Variants in ADGRL3 observed in about 807,000 individuals in gnomAD.
ADGRL3 encodes adhesion G protein-coupled receptor L3, also known as calcium-independent alpha-latrotoxin receptor 3.
ADGRL3 carries 62 observed loss-of-function variants against 153.5 expected under a neutral mutation model. The observed-to-expected ratio is 0.40, with a 90% confidence interval of 0.33 to 0.50. The LOEUF (loss-of-function observed/expected upper bound fraction) is 0.50. Among genes scored for constraint, ADGRL3 ranks in the 20% least tolerant of loss-of-function variants. The probability of loss-of-function intolerance (pLI) is 0.47; values close to 1 mark genes in which losing one functional copy is unlikely to be tolerated. For synonymous variants in ADGRL3, 710 were observed against 672.5 expected, an observed-to-expected ratio of 1.06 and a Z score of -0.86; for missense variants, 1,641 against 1,859.4, an observed-to-expected ratio of 0.88 and a Z score of 2.16.
intron 9 of ADGRL3, among the ~76,000 whole-genome samples, chr4:61,864,899 A>T (rs1319601395): frequency 1.3e-5 from 2 of 152,212 alleles, no homozygotes; most frequent in African/African-American, 4.8e-5. Context: ...GAAGCATAGA[A>T]TGTAATGTTT....
At chr4:61,391,241 T>C (rs530185671) in intron 2 of ADGRL3, among the ~76,000 whole-genome samples, 13 of 152,250 alleles carry the variant, frequency 8.5e-5, no homozygotes, top group South Asian at 2.1e-4. Flanking sequence ...TTTACTGTCA[T>C]GGCAGAAGGC....
At chr4:61,240,615 A>G (rs1754541289) in intron 1 of ADGRL3, among the ~76,000 whole-genome samples, 2 of 152,172 alleles carry the variant, frequency 1.3e-5, no homozygotes, top group African/African-American at 2.4e-5. Context: ...TCAGTTTTCT[A>G]TACATTAACT....
intron 19 of ADGRL3, among the ~76,000 whole-genome samples, chr4:61,993,854 T>C (rs2151009905): frequency 6.6e-6 from 1 of 152,264 alleles, no homozygotes; most frequent in Non-Finnish European, 1.5e-5. Context: ...TTTCTGCTTA[T>C]ATTTAGCACT....
chr4:61,790,068 T>A (rs2097323603), intron 8 of ADGRL3, among the ~76,000 whole-genome samples: 1 of 152,218 alleles, frequency 6.6e-6, no homozygotes, highest in African/African-American at 2.4e-5. Context: ...GTAACTTTTA[T>A]ACTTCACTGT....
At chr4:61,548,792 C>T (rs1030205976) in intron 4 of ADGRL3, among the ~76,000 whole-genome samples, 2 of 151,342 alleles carry the variant, frequency 1.3e-5, no homozygotes, top group South Asian at 4.2e-4. Flanking sequence ...TTTAGGATTG[C>T]CTTGGCTATT....
At chr4:61,728,614 T>C (rs1339046987) in intron 6 of ADGRL3, among the ~76,000 whole-genome samples, 1 of 152,100 alleles carries the variant, frequency 6.6e-6, no homozygotes, top group South Asian at 2.1e-4. Flanking sequence ...TAAAGTTCCA[T>C]GAACGAGCAT....
At chr4:61,646,294 C>A (rs1197095652) in intron 5 of ADGRL3, among the ~76,000 whole-genome samples, 1 of 152,216 alleles carries the variant, frequency 6.6e-6, no homozygotes, top group African/African-American at 2.4e-5. Context: ...TCGTCAAAGT[C>A]ATTCTCCATC....
chr4:61,525,389 C>A (rs1034900988), intron 4 of ADGRL3, among the ~76,000 whole-genome samples: 1 of 152,010 alleles, frequency 6.6e-6, no homozygotes, highest in Admixed American at 6.6e-5. Flanking sequence ...ATTTAACCAA[C>A]AACAAGAACA....
At chr4:61,817,118 G>A (rs1446820493) in intron 9 of ADGRL3, among the ~76,000 whole-genome samples, 5 of 151,846 alleles carry the variant, frequency 3.3e-5, no homozygotes, top group African/African-American at 1.2e-4. Flanking sequence ...CAGGTTTGGG[G>A]GGCTGAAGGT....
At chr4:61,348,072 G>A (rs72634761) in intron 1 of ADGRL3, among the ~76,000 whole-genome samples, 8,210 of 151,932 alleles carry the variant, frequency 0.054, 306 homozygotes, top group Admixed American at 0.11. Context: ...GATAATTTTA[G>A]CACTTTTCAA....
At chr4:62,004,551 A>G (rs1581836520) in intron 21 of ADGRL3, among the ~76,000 whole-genome samples, 2 of 151,940 alleles carry the variant, frequency 1.3e-5, no homozygotes, top group East Asian at 3.8e-4. Flanking sequence ...TTATATCTCT[A>G]TATATTTTAT....
chr4:61,796,612 A>G (rs2097416995), intron 8 of ADGRL3, among the ~76,000 whole-genome samples: 2 of 152,198 alleles, frequency 1.3e-5, no homozygotes, highest in South Asian at 4.1e-4. Flanking sequence ...CTGTTCTAAT[A>G]ATAACACATG....
chr4:62,060,106 C>A (rs189824367), intron 25 of ADGRL3, among the ~76,000 whole-genome samples: 3 of 151,958 alleles, frequency 2.0e-5, no homozygotes, highest in African/African-American at 7.2e-5. Context: ...AACACAGAAA[C>A]CAGAAAGTTG....
chr4:61,270,105 A>G (rs933301702), intron 1 of ADGRL3, among the ~76,000 whole-genome samples: 2 of 151,684 alleles, frequency 1.3e-5, no homozygotes, highest in Non-Finnish European at 3.0e-5. Flanking sequence ...TCATACCCCA[A>G]TTTACTTAGA....
At chr4:61,541,053 A>G (rs1325881136) in intron 4 of ADGRL3, among the ~76,000 whole-genome samples, 1 of 152,206 alleles carries the variant, frequency 6.6e-6, no homozygotes, top group African/African-American at 2.4e-5. Flanking sequence ...CCAGTAGGAC[A>G]CTGTTATCAG....
chr4:61,333,943 T>G (rs952687869), intron 1 of ADGRL3, among the ~76,000 whole-genome samples: 2 of 148,166 alleles, frequency 1.3e-5, no homozygotes, highest in African/African-American at 2.5e-5. Flanking sequence ...TTTTAGAAAG[T>G]CTCTTTCTGC....
chr4:61,505,685 G>T (rs1466921824), intron 3 of ADGRL3, among the ~76,000 whole-genome samples: 9 of 151,860 alleles, frequency 5.9e-5, no homozygotes, highest in Admixed American at 5.9e-4. Flanking sequence ...TCTGTAGATT[G>T]TTTTTTCTCT....
chr4:61,691,879 A>G (rs1159444535), intron 6 of ADGRL3, among the ~76,000 whole-genome samples: 1 of 152,104 alleles, frequency 6.6e-6, no homozygotes, highest in Non-Finnish European at 1.5e-5. Flanking sequence ...CTAATTTTAT[A>G]TTAGTGATGG....
chr4:61,444,633 C>G (rs1407255857), intron 2 of ADGRL3, among the ~76,000 whole-genome samples: 2 of 152,106 alleles, frequency 1.3e-5, no homozygotes, highest in African/African-American at 4.8e-5. Context: ...TGTTCCCTGA[C>G]TCCAGGATTT....
Sources: allele counts gnomAD v4.1 joint callset (sites outside exome capture counted in the v4.1 genomes callset), GRCh38; gene constraint gnomAD v4.1.1; transcripts MANE v1.5; gene names NCBI Gene and HGNC (gene_info 2026-07-23, HGNC 2026-07-21).